The following ZNF782 variants were observed in gnomAD, a reference collection of about 807,000 sequenced individuals.
The protein encoded by ZNF782 is zinc finger protein 782.
ZNF782 carries 12 observed loss-of-function variants against 13.0 expected under a neutral mutation model. That is an observed-to-expected ratio of 0.92 (90% CI 0.59 to 1.50). The LOEUF (loss-of-function observed/expected upper bound fraction) is 1.50. Among genes scored for constraint, ZNF782 ranks in the 40% most tolerant of loss-of-function variants. The pLI is 0.00. For synonymous variants in ZNF782, 284 were observed against 283.0 expected (o/e 1.00, Z -0.04); for missense variants, 770 against 822.9 (o/e 0.94, Z 0.79).
At chr9:96,874,575 G>T (rs1851869803) in intron 1 of ZNF782, among the ~76,000 whole-genome samples, 2 of 152,184 alleles carry the variant, frequency 1.3e-5, no homozygotes, top group African/African-American at 4.8e-5. Flanking sequence ...GACTCTAGTG[G>T]TTTCTGGAGA....
the ZNF782 span, among the ~76,000 whole-genome samples, chr9:96,931,068 A>G: frequency 6.6e-6 from 1 of 151,152 alleles, no homozygotes. Context: ...TTTGTATTTT[A>G]GTAGAGATGG....
In ZNF782 at chr9:96,830,985, G is replaced by A. The variant is rs140251947; in HGVS notation, c.143-3804C>T. Among the ~76,000 whole-genome samples the A allele has an allele frequency of 5.9e-5, 9 of 152,220 alleles. 1 individual carries two copies. Among genetic ancestry groups the A allele is most frequent in the African/African-American group, 2.2e-4 (9 of 41,542 alleles). ...GAAATAATCCATGAATTTTAATATA[G>A]AAGAGCAGAAATTACCCAATCTGAA... On this transcript the variant is annotated intron_variant, in intron 4 of 5. Coordinates refer to ENST00000481138, the MANE Select transcript of ZNF782 (RefSeq NM_001001662.3).
upstream of ZNF782, among the ~76,000 whole-genome samples, chr9:96,877,043 CTACT>C (rs1421670598): frequency 2.0e-5 from 3 of 151,212 alleles, no homozygotes; most frequent in African/African-American, 4.9e-5. Context: ...AGAGATGTCC[CTACT>C]TAAACTTTAC....
chr9:96,895,846 C>G, the ZNF782 span: 1 of 152,180 alleles, frequency 6.6e-6, no homozygotes, highest in African/African-American at 2.4e-5. Context: ...ACACTGGTTT[C>G]CTGACCTGAA....
chr9:96,920,217 C>T, the ZNF782 span, among the ~76,000 whole-genome samples: 1 of 149,654 alleles, frequency 6.7e-6, no homozygotes, highest in South Asian at 2.1e-4. Flanking sequence ...ACCCCAATGT[C>T]CCTTTCTCTA....
the ZNF782 span, chr9:96,909,989 C>T: frequency 2.0e-6 from 1 of 494,078 alleles, no homozygotes; most frequent in Non-Finnish European, 3.9e-6. Context: ...CTGCCTCCAC[C>T]GCAGACTCTG....
At chr9:96,889,892 T>TTA in the ZNF782 span, 1 of 152,242 alleles carries the variant, frequency 6.6e-6, no homozygotes, top group Non-Finnish European at 1.5e-5. Context: ...GTTTTAAACT[T>TTA]TCTAGAGTTT....
chr9:96,851,368 G>A (rs1212568112), intron 3 of ZNF782, among the ~76,000 whole-genome samples: 3 of 152,020 alleles, frequency 2.0e-5, no homozygotes, highest in African/African-American at 4.8e-5. Context: ...AAATTCATAG[G>A]TGAGTTTCAT....
chr9:96,835,177 C>A (rs927455629), intron 4 of ZNF782, among the ~76,000 whole-genome samples: 6 of 152,134 alleles, frequency 3.9e-5, no homozygotes, highest in Admixed American at 1.3e-4. Context: ...GGTGGAAGAA[C>A]CTTCTAGGCA....
chr9:96,900,989 G>A, the ZNF782 span, among the ~76,000 whole-genome samples: 65 of 145,598 alleles, frequency 4.5e-4, no homozygotes, highest in African/African-American at 1.5e-3. Flanking sequence ...GTGAAACCCC[G>A]TCTTTACTAA....
At chr9:96,866,516 C>G (rs1487563805) in intron 1 of ZNF782, among the ~76,000 whole-genome samples, 1 of 152,176 alleles carries the variant, frequency 6.6e-6, no homozygotes, top group Non-Finnish European at 1.5e-5. Flanking sequence ...TGGGGTGGGG[C>G]CCTCATGGAG....
chr9:96,859,045 C>T (rs1393008296), upstream of ZNF782, among the ~76,000 whole-genome samples: 1 of 147,868 alleles, frequency 6.8e-6, no homozygotes, highest in Non-Finnish European at 1.5e-5. Flanking sequence ...ACGGAGGGAA[C>T]ATTTACACTA....
chr9:96,913,084 A>G, the ZNF782 span, among the ~76,000 whole-genome samples: 4,154 of 130,228 alleles, frequency 0.032, 108 homozygotes, highest in East Asian at 0.33. Context: ...GGAGGCTGAG[A>G]AGGGAGGATC....
intron 4 of ZNF782, among the ~76,000 whole-genome samples, chr9:96,838,950 G>A (rs1466263650): frequency 6.6e-6 from 1 of 151,910 alleles, no homozygotes; most frequent in African/African-American, 2.4e-5. Context: ...TCCTGACCTC[G>A]TGATCCACCT....
the ZNF782 span, among the ~76,000 whole-genome samples, chr9:96,927,784 A>G: frequency 6.7e-6 from 1 of 150,240 alleles, no homozygotes; most frequent in Non-Finnish European, 1.5e-5. Flanking sequence ...TTCTTTATTC[A>G]TACTTGCTAA....
At chr9:96,829,563 T>C (rs1423989110) in intron 4 of ZNF782, among the ~76,000 whole-genome samples, 1 of 152,156 alleles carries the variant, frequency 6.6e-6, no homozygotes, top group African/African-American at 2.4e-5. Flanking sequence ...AGAAGTAGAT[T>C]ACAAGTAAAT....
At chr9:96,927,785 T>A in the ZNF782 span, among the ~76,000 whole-genome samples, 4,607 of 149,592 alleles carry the variant, frequency 0.031, 277 homozygotes, top group East Asian at 0.3. Flanking sequence ...TCTTTATTCA[T>A]ACTTGCTAAA....
chr9:96,827,830 A>G (rs765599612), intron 4 of ZNF782, among the ~76,000 whole-genome samples: 22 of 152,250 alleles, frequency 1.4e-4, no homozygotes, highest in Non-Finnish European at 2.1e-4. Flanking sequence ...GCCAAGAGGC[A>G]GTGCAGACAG....
chr9:96,833,682 T>G (rs978046118), intron 4 of ZNF782, among the ~76,000 whole-genome samples: 1 of 152,216 alleles, frequency 6.6e-6, no homozygotes, highest in Non-Finnish European at 1.5e-5. Context: ...GTATGCATAC[T>G]ATACTTTTTA....
Sources: allele counts gnomAD v4.1 joint callset (sites outside exome capture counted in the v4.1 genomes callset), GRCh38; gene constraint gnomAD v4.1.1; transcripts MANE v1.5; gene names NCBI Gene and HGNC (gene_info 2026-07-23, HGNC 2026-07-21).